CDH2: variants seen among roughly 807,000 people sequenced by gnomAD.
The protein encoded by CDH2 is cadherin 2.
In CDH2, 17 loss-of-function variants were observed where a neutral mutation model predicts 92.0. That is an observed-to-expected ratio of 0.18 (90% confidence interval 0.13 to 0.28). The LOEUF (loss-of-function observed/expected upper bound fraction) is 0.28. Among genes scored for constraint, CDH2 ranks in the 10% least tolerant of loss-of-function variants. The pLI, the probability that CDH2 is intolerant of heterozygous loss-of-function variation, is 1.00. For synonymous variants in CDH2, 419 were observed against 415.9 expected (o/e 1.01, Z -0.09); for missense variants, 862 against 1,133.1 (o/e 0.76, Z 3.44).
chr18:28,043,461 A>AATATATATATATATATATATATAT (rs1158754890), intron 2 of CDH2, among the ~76,000 whole-genome samples: 56 of 71,906 alleles, frequency 7.8e-4, no homozygotes, highest in Non-Finnish European at 1.1e-3. Flanking sequence ...GATATAAATA[A>AATATATATATATATATATATATAT]ATATATATAT....
intron 2 of CDH2, among the ~76,000 whole-genome samples, chr18:28,047,252 C>T (rs1169406464): frequency 1.3e-5 from 2 of 152,132 alleles, no homozygotes; most frequent in Non-Finnish European, 2.9e-5. Context: ...AAATGAGATA[C>T]TGATTAAAAT....
chr18:28,094,491 A>AAAAAC (rs1424061919), intron 2 of CDH2, among the ~76,000 whole-genome samples: 1 of 151,654 alleles, frequency 6.6e-6, no homozygotes. Context: ...CTGTCCTTAA[A>AAAAAC]AAAACAAAAC....
chr18:28,010,448 A>G (rs2013062575), intron 4 of CDH2, among the ~76,000 whole-genome samples: 1 of 152,160 alleles, frequency 6.6e-6, no homozygotes, highest in Non-Finnish European at 1.5e-5. Flanking sequence ...AGCACAAAAG[A>G]AAGCATTTTA....
chr18:27,949,072 G>A (rs954479098), downstream of CDH2, among the ~76,000 whole-genome samples: 3 of 151,862 alleles, frequency 2.0e-5, no homozygotes, highest in Admixed American at 6.6e-5. Context: ...TACGTCACAT[G>A]GTTACAGTCA....
At chr18:28,143,564 G>A (rs1353810014) in intron 2 of CDH2, among the ~76,000 whole-genome samples, 3 of 151,716 alleles carry the variant, frequency 2.0e-5, no homozygotes, top group African/African-American at 4.8e-5. Context: ...TCCCCAATTC[G>A]CAAACATATC....
Position 27,952,385 on chromosome 18 carries a change from A to C in CDH2, c.2515-26T>G, listed in dbSNP as rs191683926. Reference sequence around the variant, plus strand: ...CTGCAATTTGGAAACACAAAGAATGAAAGAATTAAGAGAGGGTTACACTTT... The same window carrying C: ...CTGCAATTTGGAAACACAAAGAATGCAAGAATTAAGAGAGGGTTACACTTT... On this transcript the variant is annotated intron_variant, in intron 15 of 15. Coordinates refer to ENST00000269141, the MANE Select transcript of CDH2 (RefSeq NM_001792.5). 5.8e-5 allele frequency: 93 copies of C among 1,589,766 alleles called. No individual in the cohort carries two copies. The East Asian group carries it at 1.3e-3, about 21-fold the overall frequency.
At chr18:27,997,885 C>T (rs1019714822) in intron 7 of CDH2, among the ~76,000 whole-genome samples, 1 of 152,040 alleles carries the variant, frequency 6.6e-6, no homozygotes, top group African/African-American at 2.4e-5. Flanking sequence ...CGGCTCACTG[C>T]AAGCTCTGCC....
At chr18:28,139,102 TGAA>T (rs1462596285) in intron 2 of CDH2, among the ~76,000 whole-genome samples, 1 of 152,050 alleles carries the variant, frequency 6.6e-6, no homozygotes, top group African/African-American at 2.4e-5. Context: ...CAAGACAAAA[TGAA>T]GAGTTTTTAA....
At chr18:28,020,478 A>C (rs957993682) in intron 2 of CDH2, among the ~76,000 whole-genome samples, 3 of 152,022 alleles carry the variant, frequency 2.0e-5, no homozygotes, top group Non-Finnish European at 4.4e-5. Flanking sequence ...AATATCATGG[A>C]CATTTGACTG....
intron 2 of CDH2, among the ~76,000 whole-genome samples, chr18:28,032,691 TCC>T (rs1010473161): frequency 2.6e-5 from 4 of 152,112 alleles, no homozygotes; most frequent in African/African-American, 9.7e-5. Context: ...GACAATGGCT[TCC>T]CACCTTTACA....
chr18:27,951,156 CTTTCCT>C lies in CDH2; in HGVS notation c.*991_*996del, dbSNP rs1432237802. 2.8e-4 allele frequency: 22 copies of C among 77,422 alleles called. No homozygotes were observed. The highest frequency in any genetic ancestry group is 2.3e-4 in the Admixed American group (1 of 4,372). 4.8% of individuals were successfully genotyped at this position (77,422 alleles called of 1,614,324 possible). A position where few individuals can be genotyped will look rare whatever the true frequency, so the allele number is the denominator to read the frequency against. On this transcript the variant is annotated 3_prime_UTR_variant, in exon 16 of 16. Coordinates refer to ENST00000269141, the MANE Select transcript of CDH2 (RefSeq NM_001792.5). The stretch of plus-strand genomic sequence containing the variant: ...CAGTGTCAGGCCACCCCTTTCTTTC[CTTTCCT>C]TTTTTTTTTTTTTTGGTACAAATTA...
At chr18:28,095,822 A>AAAAAAAAAAAAAAAAAAAAAAAAAAAAG (rs1555641273) in intron 2 of CDH2, among the ~76,000 whole-genome samples, 1 of 147,070 alleles carries the variant, frequency 6.8e-6, no homozygotes, top group African/African-American at 2.5e-5. Flanking sequence ...AAAAAAAAAA[A>AAAAAAAAAAAAAAAAAAAAAAAAAAAAG]AAAGAAAGAA....
chr18:28,090,508 T>TC (rs1463051304), intron 2 of CDH2, among the ~76,000 whole-genome samples: 3 of 151,932 alleles, frequency 2.0e-5, no homozygotes, highest in Non-Finnish European at 2.9e-5. Context: ...TACAGCTTCT[T>TC]CCCCCCAGGC....
intron 1 of CDH2, among the ~76,000 whole-genome samples, chr18:28,155,788 A>G (rs1015673585): frequency 1.3e-5 from 2 of 152,170 alleles, no homozygotes; most frequent in Admixed American, 6.5e-5. Context: ...TCACCATACA[A>G]TTACAGTTGC....
In CDH2 at chr18:28,077,072, G is replaced by A. The variant is rs181084671; in HGVS notation, c.173-63163C>T. ...CTACTTTAGTACCAGGGAAGGAAAAGTGGGTACTAAACAATTTTCATCAAA... is the reference window on the plus strand; with the variant it reads ...CTACTTTAGTACCAGGGAAGGAAAAATGGGTACTAAACAATTTTCATCAAA... On this transcript the variant is annotated intron_variant, in intron 2 of 15. Transcript: ENST00000269141. Among the ~76,000 whole-genome samples the A allele has an allele frequency of 7.2e-5, 11 of 152,226 alleles. No individual in the cohort carries two copies. In the East Asian group the frequency reaches 1.9e-3, roughly 27 times the overall value.
intron 6 of CDH2, among the ~76,000 whole-genome samples, chr18:27,937,328 T>C (rs977220184): frequency 6.6e-6 from 1 of 152,224 alleles, no homozygotes; most frequent in Non-Finnish European, 1.5e-5. Context: ...CTAAGTTTTT[T>C]TTCCAAACTC....
chr18:27,948,938 A>T (rs1395120187), downstream of CDH2, among the ~76,000 whole-genome samples: 4 of 151,966 alleles, frequency 2.6e-5, no homozygotes, highest in African/African-American at 9.7e-5. Context: ...AACACTCTGT[A>T]TGCATGTTTT....
At chr18:28,045,334 A>T in intron 2 of CDH2, 1 of 442,916 alleles carries the variant, frequency 2.3e-6, no homozygotes, top group Non-Finnish European at 4.6e-6. Context: ...GCTGATGAAT[A>T]AGTCTTTGTA....
At chr18:28,070,092 T>C (rs1344553539) in intron 2 of CDH2, among the ~76,000 whole-genome samples, 1 of 151,862 alleles carries the variant, frequency 6.6e-6, no homozygotes, top group Non-Finnish European at 1.5e-5. Context: ...AGGGTGAAAA[T>C]TGGGATGTGA....
Sources: allele counts gnomAD v4.1 joint callset (sites outside exome capture counted in the v4.1 genomes callset), GRCh38; gene constraint gnomAD v4.1.1; transcripts MANE v1.5; gene names NCBI Gene and HGNC (gene_info 2026-07-23, HGNC 2026-07-21).